Variants in C1QTNF8 observed in about 807,000 individuals in gnomAD.
The protein encoded by C1QTNF8 is complement C1q tumor necrosis factor-related protein 8.
C1QTNF8 carries 27 observed loss-of-function variants against 19.2 expected under a neutral mutation model. The observed-to-expected ratio is 1.41, with a 90% CI of 1.04 to 1.94. The LOEUF (loss-of-function observed/expected upper bound fraction) is 1.94. C1QTNF8 is among the 30% of genes most tolerant of loss of function. The pLI is 0.00. For synonymous variants in C1QTNF8, 208 were observed against 172.8 expected, an observed-to-expected ratio of 1.20 and a Z score of -1.60; for missense variants, 484 against 374.4, an observed-to-expected ratio of 1.29 and a Z score of -2.42.
At chr16:1,094,097 G>T in intron 3 of C1QTNF8, 46 bp from the exon 4 acceptor site, 2 of 1,366,080 alleles carry the variant, frequency 1.5e-6, no homozygotes, top group Non-Finnish European at 1.9e-6. Context: ...GGGCTGGGCA[G>T]GCCTCCCCCA....
rs745861472 is a variant in C1QTNF8 at position 1,094,705 on chromosome 16, C to T, written c.208+10G>A. The stretch of plus-strand genomic sequence containing the variant: ...TGGGGGAGCATGCAGGCAGCACCCA[C>T]GGGCCTCACCTTTGAGGATTTCGAT... On this transcript the variant is annotated intron_variant, in intron 3 of 4. Coordinates refer to ENST00000328449, the MANE Select transcript of C1QTNF8 (RefSeq NM_207419.3). The T allele has an allele frequency of 5.0e-6, 8 of 1,593,140 alleles. No individual in the cohort carries two copies. The highest frequency in any genetic ancestry group is 1.7e-4 in the Middle Eastern group (1 of 5,966).
chr16:1,095,136 AC>A (rs1201324840), intron 2 of C1QTNF8, among the ~76,000 whole-genome samples: 1 of 152,176 alleles, frequency 6.6e-6, no homozygotes. Flanking sequence ...CGCACCAGGC[AC>A]CCTGCACACC....
In C1QTNF8 at chr16:1,093,659, C is replaced by T. The variant is rs750666150; in HGVS notation, c.601G>A (p.Val201Ile). ...VLYAQPSERS[V>I]MQAQSLMLLL... Reference sequence around the variant, plus strand: ...AGCATCAGGCTCTGGGCCTGCATGACGCTGCGCTCGCTGGGCTGCGCGTAG... The same window carrying T: ...AGCATCAGGCTCTGGGCCTGCATGATGCTGCGCTCGCTGGGCTGCGCGTAG... Residue 201 changes from valine to isoleucine, a missense_variant, in exon 4 of 5, where the codon GTC becomes ATC. By Grantham distance (29) the Val-to-Ile change is conservative. Transcript: ENST00000328449. 2 of 1,609,128 alleles carry T rather than the reference C, an allele frequency of 1.2e-6. No individual in the cohort carries two copies. Among genetic ancestry groups the T allele is most frequent in the South Asian group, 1.1e-5 (1 of 90,878 alleles).
intron 4 of C1QTNF8, among the ~76,000 whole-genome samples, chr16:1,092,583 C>A: frequency 1.6e-5 from 2 of 123,228 alleles, no homozygotes; most frequent in African/African-American, 3.6e-5. Flanking sequence ...CTCAACCAAT[C>A]CCTGCACACA....
rs761425529 is a variant in C1QTNF8 at position 1,093,581 on chromosome 16, C to T, written c.679G>A (p.Asp227Asn). ...VWVRMFQRDR[D>N]NAIYGEHGDL... ...CCGTGCTCGCCGTAGATGGCGTTGT[C>T]CCGGTCGCGCTGGAACATGCGCACC... The change falls in exon 4 of 5, where the codon GAC becomes AAC. Residue 227 changes from aspartate (D) to asparagine (N), a missense_variant. Coordinates refer to ENST00000328449, the MANE Select transcript of C1QTNF8 (RefSeq NM_207419.3). 1.9e-6 allele frequency: 3 copies of T among 1,599,346 alleles called. No individual in the cohort carries two copies. The highest frequency in any genetic ancestry group is 1.3e-5 in the African/African-American group (1 of 74,516).
Position 1,093,504 on chromosome 16 carries a change from C to A in C1QTNF8, c.756G>T (p.Leu252=), listed in dbSNP as rs1960607981. The A allele has an allele frequency of 2.0e-6, 3 of 1,532,102 alleles. No individual in the cohort carries two copies. The South Asian group carries it at 3.7e-5, about 19-fold the overall frequency. The allele number at this position is 1,532,102 out of a possible 1,614,324, so 94.9% of individuals were successfully genotyped here. A position where few individuals can be genotyped will look rare whatever the true frequency, so the allele number is the denominator to read the frequency against. The change falls in exon 4 of 5, where the codon CTG becomes CTT. Residue 252 remains leucine (L), a synonymous_variant. Coordinates refer to ENST00000328449, the MANE Select transcript of C1QTNF8 (RefSeq NM_207419.3). The part of the protein sequence containing the change: ...SGHLVKPAAE[L] ...AGCCGCGGGGCCCCTCACCCGGCTA[C>A]AGCTCGGCGGCCGGCTTGACCAGGT...
chr16:1,093,779 G>T lies in C1QTNF8; in HGVS notation c.481C>A (p.Pro161Thr). 1 of 1,612,066 alleles carries T rather than the reference G, an allele frequency of 6.2e-7. No homozygotes were observed. Among genetic ancestry groups the T allele is most frequent in the Non-Finnish European group, 8.5e-7 (1 of 1,179,696 alleles). The change falls in exon 4 of 5, where the codon CCC becomes ACC. Residue 161 changes from proline (P) to threonine (T), a missense_variant. By Grantham distance (38) the Pro-to-Thr change is conservative (BLOSUM62 -1). Transcript: ENST00000328449. ...LAAGRFLCTV[P>T]GVYFLSLNVH... ...TTGAGGCTGAGGAAGTAGACGCCGG[G>T]CACCGTGCAGAGGAAGCGGCCCGCG...
chr16:1,090,858 C>A (rs1006870046), intron 4 of C1QTNF8, among the ~76,000 whole-genome samples: 2 of 152,244 alleles, frequency 1.3e-5, no homozygotes, highest in African/African-American at 4.8e-5. Flanking sequence ...TGCTTCCTCC[C>A]AGCCAGTGTG....
At chr16:1,094,095 C>A in intron 3 of C1QTNF8, 44 bp from the exon 4 acceptor site, 1 of 1,367,870 alleles carries the variant, frequency 7.3e-7, no homozygotes, top group Middle Eastern at 2.0e-4. Flanking sequence ...CCGGGCTGGG[C>A]AGGCCTCCCC....
intron 3 of C1QTNF8, 47 bp from the exon 4 acceptor site, chr16:1,094,098 G>T (rs767890431): frequency 9.5e-6 from 13 of 1,364,166 alleles, no homozygotes; most frequent in Non-Finnish European, 1.2e-5. Flanking sequence ...GGCTGGGCAG[G>T]CCTCCCCCAT....
Position 1,093,867 on chromosome 16 carries a change from G to T in C1QTNF8, c.393C>A (p.Asp131Glu). ...TGTCGAAGGGCACCGCCTGGAAGTG[G>T]TCGGAGCTGTGCAGGCCCTCGCGCC... ...VGRREGLHSSDHFQAVPFDTE... is the reference protein window; with the variant it reads ...VGRREGLHSSEHFQAVPFDTE... The change falls in exon 4 of 5, where the codon GAC becomes GAA. Residue 131 changes from aspartate (D) to glutamate (E), a missense_variant. Transcript: ENST00000328449. 3 of 1,600,254 alleles carry T rather than the reference G, an allele frequency of 1.9e-6. No individual in the cohort carries two copies. The highest frequency in any genetic ancestry group is 2.2e-5 in the East Asian group (1 of 44,758).
intron 3 of C1QTNF8, 92 bp downstream of exon 3, chr16:1,094,623 C>G (rs1289076210): frequency 2.2e-5 from 24 of 1,075,796 alleles, no homozygotes; most frequent in Non-Finnish European, 3.2e-5. Context: ...GTGCCCCTCC[C>G]GCCCCTCCTC....
In C1QTNF8 at chr16:1,093,908, C is replaced by A; in HGVS notation, c.352G>T (p.Ala118Ser). 1 of 1,549,044 alleles carries A rather than the reference C, an allele frequency of 6.5e-7. No individual in the cohort carries two copies. The highest frequency in any genetic ancestry group is 8.6e-7 in the Non-Finnish European group (1 of 1,158,082). ...PGAACRRAYA[A>S]FSVGRREGLH... Reference sequence around the variant, plus strand: ...CCCTCGCGCCGGCCCACGGAGAAGGCGGCGTAGGCACGTCGGCACGCGGCG... The same window carrying A: ...CCCTCGCGCCGGCCCACGGAGAAGGAGGCGTAGGCACGTCGGCACGCGGCG... Residue 118 changes from alanine to serine, a missense_variant, in exon 4 of 5, where the codon GCC becomes TCC. By Grantham distance (99) the Ala-to-Ser change is moderately conservative (BLOSUM62 1). Coordinates refer to ENST00000328449, the MANE Select transcript of C1QTNF8 (RefSeq NM_207419.3).
Position 1,094,745 on chromosome 16 carries a change from G to A in C1QTNF8, c.178C>T (p.Arg60Trp), listed in dbSNP as rs370349880. Residue 60 changes from arginine (R) to tryptophan (W), a missense_variant, in exon 3 of 5, where the codon CGG (arginine) becomes TGG (tryptophan). Physicochemically the swap from Arg to Trp is moderately radical, Grantham distance 101. Transcript: ENST00000328449. ...GDLWRGLPRV[R>W]PTIDIEILKG... ...AGGATTTCGATGTCTATAGTGGGCC[G>A]TACTCGAGGCAGCCCCCTCCACAGG... is the stretch of plus-strand genomic sequence containing the variant. 84 of 1,568,238 alleles carry A rather than the reference G, an allele frequency of 5.4e-5. No individual in the cohort carries two copies. The South Asian group carries it at 6.0e-4, about 11-fold the overall frequency.
intron 4 of C1QTNF8, among the ~76,000 whole-genome samples, chr16:1,092,143 C>G (rs1039858793): frequency 6.6e-6 from 1 of 152,224 alleles, no homozygotes; most frequent in South Asian, 2.1e-4. Context: ...CACAGGCCTC[C>G]GTCCATGTGG....
intron 3 of C1QTNF8, among the ~76,000 whole-genome samples, chr16:1,094,387 A>G (rs976361369): frequency 1.1e-4 from 17 of 152,162 alleles, no homozygotes; most frequent in Non-Finnish European, 2.4e-4. Flanking sequence ...CCTTCGGGAC[A>G]GCGCAGCCGT....
At position 1,093,714 on chromosome 16, in the gene C1QTNF8, G is replaced by T. The variant is rs150045005; in HGVS notation, c.546C>A (p.Ile182=). 97 of 1,612,212 alleles carry T rather than the reference G, an allele frequency of 6.0e-5. No individual in the cohort carries two copies. The African/African-American group carries it at 1.2e-3, about 20-fold the overall frequency. ...TWNYKETYLH[I]MLNRRPAAVL... is the part of the protein sequence containing the mutation. ...CGGCCGCGGGCCGCCGGTTCAGCATGATGTGCAGGTAGGTCTCCTTGTAGT... is the reference window on the plus strand; with the variant it reads ...CGGCCGCGGGCCGCCGGTTCAGCATTATGTGCAGGTAGGTCTCCTTGTAGT... The change falls in exon 4 of 5, where the codon ATC becomes ATA. Residue 182 remains isoleucine, a synonymous_variant. Coordinates refer to ENST00000328449, the MANE Select transcript of C1QTNF8 (RefSeq NM_207419.3).
Position 1,089,906 on chromosome 16 carries a change from T to C in C1QTNF8, c.*693A>G, listed in dbSNP as rs1939923757. Reference sequence around the variant, plus strand: ...AGTGCCCGGAGATGGCTCCGACCCCTGCCGGTTGCCGGGCGCCCTGGGTGT... The same window carrying C: ...AGTGCCCGGAGATGGCTCCGACCCCCGCCGGTTGCCGGGCGCCCTGGGTGT... On this transcript the variant is annotated 3_prime_UTR_variant, in exon 5 of 5. Coordinates refer to ENST00000328449, the MANE Select transcript of C1QTNF8 (RefSeq NM_207419.3). 1 of 152,300 alleles carries C rather than the reference T, an allele frequency of 6.6e-6. No homozygotes were observed. Among genetic ancestry groups the C allele is most frequent in the Non-Finnish European group, 1.5e-5 (1 of 68,126 alleles). 9.4% of individuals were successfully genotyped at this position (152,300 alleles called of 1,614,324 possible). A position where few individuals can be genotyped will look rare whatever the true frequency, so the allele number is the denominator to read the frequency against.
intron 3 of C1QTNF8, 21 bp downstream of exon 3, chr16:1,094,694 G>C: frequency 6.3e-7 from 1 of 1,589,940 alleles, no homozygotes; most frequent in Non-Finnish European, 8.6e-7. Flanking sequence ...GGAGCATGCA[G>C]GCAGCACCCA....
Sources: gnomAD v4.1 joint callset for allele counts (sites outside exome capture counted in the v4.1 genomes callset) on GRCh38, gnomAD v4.1.1 for gene constraint, MANE v1.5 for transcripts, NCBI Gene and HGNC (gene_info 2026-07-23, HGNC 2026-07-21) for gene names.